GNB4: variants seen among roughly 807,000 people sequenced by gnomAD.
GNB4 encodes the protein guanine nucleotide-binding protein subunit beta-4.
GNB4 carries 28 observed loss-of-function variants against 45.2 expected under a neutral mutation model. That is an observed-to-expected ratio of 0.62 (90% confidence interval 0.46 to 0.85). The LOEUF (loss-of-function observed/expected upper bound fraction) is 0.85. Among genes scored for constraint, GNB4 ranks in the 40% least tolerant of loss-of-function variants. The pLI, the probability that GNB4 is intolerant of heterozygous loss-of-function variation, is 0.00. For synonymous variants in GNB4, 132 were observed against 143.7 expected (o/e 0.92, Z 0.58); for missense variants, 321 against 425.4 (o/e 0.75, Z 2.16).
In GNB4 at chr3:179,400,668, C is replaced by T. The variant is rs1308685890; in HGVS notation, c.*545G>A. 6.6e-6 allele frequency: 1 copy of T among 152,204 alleles called. No individual in the cohort carries two copies. Among genetic ancestry groups the T allele is most frequent in the African/African-American group, 2.4e-5 (1 of 41,416 alleles). 9.4% of individuals were successfully genotyped at this position (152,204 alleles called of 1,614,324 possible). On this transcript the variant is annotated 3_prime_UTR_variant, in exon 10 of 10. Coordinates refer to ENST00000232564, the MANE Select transcript of GNB4 (RefSeq NM_021629.4). ...TGATGCATGAGAAACAATGAACTCC[C>T]CTCAGAGGTGCCCCACCTGTCAATG...
At chr3:179,521,935 G>A in the GNB4 span, among the ~76,000 whole-genome samples, 176 of 152,038 alleles carry the variant, frequency 1.2e-3, 1 homozygote, top group Non-Finnish European at 6.3e-4. Context: ...CCTACTCTAG[G>A]TTCCCAAGCT....
At chr3:179,461,284 T>G in the GNB4 span, among the ~76,000 whole-genome samples, 3 of 152,006 alleles carry the variant, frequency 2.0e-5, no homozygotes, top group African/African-American at 7.2e-5. Flanking sequence ...GATCACGAGG[T>G]CAGGAGATCG....
Position 179,438,945 on chromosome 3 carries a change from A to G in GNB4, c.-43+12401T>C, listed in dbSNP as rs1246051314. Among the ~76,000 whole-genome samples, 3 of 152,164 alleles carry G rather than the reference A, an allele frequency of 2.0e-5. No homozygotes were observed. The East Asian group carries it at 5.8e-4, about 29-fold the overall frequency. ...CCCCACCCTAAGGCCTTGACTCTTC[A>G]AGTGTGTAAGGGCGGAACCAGGGTT... is the stretch of plus-strand genomic sequence containing the variant. On this transcript the variant is annotated intron_variant, in intron 1 of 9. Coordinates refer to ENST00000232564, the MANE Select transcript of GNB4 (RefSeq NM_021629.4).
chr3:179,410,821 A>G (rs1417531379), intron 8 of GNB4, among the ~76,000 whole-genome samples: 1 of 152,232 alleles, frequency 6.6e-6, no homozygotes, highest in Non-Finnish European at 1.5e-5. Context: ...CATAAATGAG[A>G]GCAGGATATC....
chr3:179,401,831 C>A lies in GNB4; in HGVS notation c.917-512G>T, dbSNP rs1714311746. Among the ~76,000 whole-genome samples the A allele has an allele frequency of 2.0e-5, 3 of 152,188 alleles. No individual in the cohort carries two copies. The South Asian group carries it at 6.2e-4, about 32-fold the overall frequency. Reference sequence around the variant, plus strand: ...TTCATTTACTTTCTTATGCTAATCACCAAACTCTGGAATGTTATTGGTTAT... The same window carrying A: ...TTCATTTACTTTCTTATGCTAATCAACAAACTCTGGAATGTTATTGGTTAT... On this transcript the variant is annotated intron_variant, in intron 9 of 9. Coordinates refer to ENST00000232564, the MANE Select transcript of GNB4 (RefSeq NM_021629.4).
the GNB4 span, among the ~76,000 whole-genome samples, chr3:179,457,170 C>T: frequency 6.6e-6 from 1 of 152,192 alleles, no homozygotes. Context: ...ATTTTGAATG[C>T]CTCTTCTTAC....
At chr3:179,409,283 G>C (rs556990551) in intron 8 of GNB4, among the ~76,000 whole-genome samples, 1 of 151,340 alleles carries the variant, frequency 6.6e-6, no homozygotes, top group African/African-American at 2.4e-5. Context: ...GGCCGAGGTG[G>C]GTGGATCACC....
chr3:179,491,216 C>A, the GNB4 span, among the ~76,000 whole-genome samples: 2 of 152,160 alleles, frequency 1.3e-5, 1 homozygote, highest in Admixed American at 1.3e-4. Flanking sequence ...GCTCAAAGAG[C>A]TTGCAATCTA....
At chr3:179,458,597 T>A in the GNB4 span, among the ~76,000 whole-genome samples, 1 of 152,330 alleles carries the variant, frequency 6.6e-6, no homozygotes, top group South Asian at 2.1e-4. Context: ...GATGCTCATG[T>A]ACCTGATATA....
chr3:179,484,939 T>C, the GNB4 span, among the ~76,000 whole-genome samples: 1 of 151,660 alleles, frequency 6.6e-6, no homozygotes, highest in Non-Finnish European at 1.5e-5. Flanking sequence ...TTGAGACTTA[T>C]ATTTGCCATA....
chr3:179,405,920 T>A (rs1282973612), intron 8 of GNB4: 1 of 152,350 alleles, frequency 6.6e-6, no homozygotes, highest in East Asian at 1.9e-4. Flanking sequence ...GTCAACATTA[T>A]TAAATAACAC....
intron 4 of GNB4, among the ~76,000 whole-genome samples, chr3:179,418,470 C>CAAAAAAAAAAAAAAAAAAA (rs386356535): frequency 6.5e-4 from 62 of 95,346 alleles, no homozygotes; most frequent in Non-Finnish European, 9.0e-4. Context: ...AACTCTGTCT[C>CAAAAAAAAAAAAAAAAAAA]AAAAAAAAAA....
At chr3:179,407,200 C>G (rs1426401392) in intron 8 of GNB4, among the ~76,000 whole-genome samples, 1 of 152,218 alleles carries the variant, frequency 6.6e-6, no homozygotes, top group Non-Finnish European at 1.5e-5. Flanking sequence ...TGGCTCACAC[C>G]TGTAATCGAG....
the GNB4 span, among the ~76,000 whole-genome samples, chr3:179,520,213 A>G: frequency 1.4e-5 from 2 of 141,344 alleles, no homozygotes; most frequent in Non-Finnish European, 3.1e-5. Context: ...CCTGGGCTGT[A>G]CTGCCGCAAG....
intron 9 of GNB4, among the ~76,000 whole-genome samples, chr3:179,403,858 A>T (rs1232024076): frequency 6.6e-6 from 1 of 152,060 alleles, no homozygotes; most frequent in Non-Finnish European, 1.5e-5. Flanking sequence ...AAAACAAAAA[A>T]AGTCAAAAGG....
the GNB4 span, among the ~76,000 whole-genome samples, chr3:179,468,271 G>A: frequency 6.6e-6 from 1 of 151,408 alleles, no homozygotes; most frequent in Non-Finnish European, 1.5e-5. Flanking sequence ...TGAGGTGGGT[G>A]GATCACCTGA....
At chr3:179,441,083 T>C (rs1715582493) in intron 1 of GNB4, among the ~76,000 whole-genome samples, 1 of 152,210 alleles carries the variant, frequency 6.6e-6, no homozygotes, top group African/African-American at 2.4e-5. Context: ...TGATTCCTTC[T>C]TCCACTCAAC....
intron 3 of GNB4, 57 bp from the exon 4 acceptor site, chr3:179,419,562 T>C (rs1348654013): frequency 5.7e-6 from 6 of 1,054,580 alleles, no homozygotes; most frequent in Middle Eastern, 2.0e-4. Flanking sequence ...ATGAGATAAC[T>C]TGAACTAGAA....
chr3:179,488,643 T>C, the GNB4 span, among the ~76,000 whole-genome samples: 8 of 152,102 alleles, frequency 5.3e-5, no homozygotes, highest in African/African-American at 1.9e-4. Context: ...AGTATAGGTT[T>C]CAGTTATAAG....
Sources: gnomAD v4.1 joint callset for allele counts (sites outside exome capture counted in the v4.1 genomes callset) on GRCh38, gnomAD v4.1.1 for gene constraint, MANE v1.5 for transcripts, NCBI Gene and HGNC (gene_info 2026-07-23, HGNC 2026-07-21) for gene names.